DNM3: variants seen among roughly 807,000 people sequenced by gnomAD.
DNM3 encodes dynamin 3.
DNM3 carries 47 observed loss-of-function variants against 101.6 expected under a neutral mutation model. The observed-to-expected ratio is 0.46, with a 90% CI of 0.37 to 0.59. The LOEUF is 0.59. DNM3 is among the 20% of genes least tolerant of loss of function. DNM3 has a pLI of 0.00. For synonymous variants in DNM3, 385 were observed against 387.9 expected, an observed-to-expected ratio of 0.99 and a Z score of 0.09; for missense variants, 849 against 1,085.7, an observed-to-expected ratio of 0.78 and a Z score of 3.06.
rs966543689 is a variant in DNM3, at chr1:171,841,773, C to G, written c.117C>G (p.Gly39=). ...LELPQIAVVG[G]QSAGKSSVLE... ...TGCCGCAGATCGCCGTGGTGGGCGGCCAGAGCGCCGGCAAGAGCTCGGTGC... is the reference window on the plus strand; with the variant it reads ...TGCCGCAGATCGCCGTGGTGGGCGGGCAGAGCGCCGGCAAGAGCTCGGTGC... The change falls in exon 1 of 21, where the codon GGC becomes GGG. Residue 39 remains glycine, a synonymous_variant. Coordinates refer to ENST00000627582, the MANE Select transcript of DNM3 (RefSeq NM_015569.5). 6.2e-7 allele frequency: 1 copy of G among 1,610,310 alleles called. No homozygotes were observed. The highest frequency in any genetic ancestry group is 1.3e-5 in the African/African-American group (1 of 74,970).
intron 13 of DNM3, among the ~76,000 whole-genome samples, chr1:172,093,379 C>CT (rs1186931393): frequency 6.6e-6 from 1 of 152,176 alleles, no homozygotes; most frequent in African/African-American, 2.4e-5. Context: ...AAGATCTGAT[C>CT]TTTTGAGTTT....
chr1:172,339,426 A>G (rs2066590798), intron 17 of DNM3, among the ~76,000 whole-genome samples: 1 of 152,192 alleles, frequency 6.6e-6, no homozygotes, highest in African/African-American at 2.4e-5. Flanking sequence ...CCCTGGCCTC[A>G]TTATCAGCAT....
chr1:172,306,582 A>T (rs2064827897), intron 15 of DNM3, among the ~76,000 whole-genome samples: 1 of 152,244 alleles, frequency 6.6e-6, no homozygotes, highest in Non-Finnish European at 1.5e-5. Flanking sequence ...GACAATCCTA[A>T]GCAAAAAGAA....
At chr1:171,930,507 T>C (rs2040919808) in intron 2 of DNM3, among the ~76,000 whole-genome samples, 1 of 152,174 alleles carries the variant, frequency 6.6e-6, no homozygotes, top group Admixed American at 6.5e-5. Context: ...TCTGCTGAGA[T>C]TCCACAAAGC....
intron 4 of DNM3, among the ~76,000 whole-genome samples, chr1:172,000,663 T>C (rs1196243324): frequency 1.3e-5 from 2 of 152,080 alleles, no homozygotes; most frequent in Non-Finnish European, 1.5e-5. Flanking sequence ...AACTAGACTT[T>C]TATGTTTCAC....
At chr1:172,326,642 C>G (rs1490524639) in intron 17 of DNM3, among the ~76,000 whole-genome samples, 1 of 151,630 alleles carries the variant, frequency 6.6e-6, no homozygotes, top group Non-Finnish European at 1.5e-5. Flanking sequence ...ATTTCATAGA[C>G]TTTTAATTTA....
At chr1:172,405,179 T>C (rs1305314318) in intron 20 of DNM3, among the ~76,000 whole-genome samples, 5 of 152,106 alleles carry the variant, frequency 3.3e-5, no homozygotes. Flanking sequence ...CACTTTTCAG[T>C]CATTTCTTCA....
chr1:172,177,664 T>C (rs1358340746), intron 14 of DNM3, among the ~76,000 whole-genome samples: 2 of 151,706 alleles, frequency 1.3e-5, no homozygotes, highest in African/African-American at 2.4e-5. Flanking sequence ...GATGAGACAA[T>C]AGGAGTAAGG....
chr1:171,904,097 C>T (rs1207629892), intron 1 of DNM3, among the ~76,000 whole-genome samples: 1 of 150,892 alleles, frequency 6.6e-6, no homozygotes, highest in Non-Finnish European at 1.5e-5. Flanking sequence ...CTCTTGAGCC[C>T]AGGAGTTTAA....
intron 2 of DNM3, among the ~76,000 whole-genome samples, chr1:171,986,252 C>G (rs751163329): frequency 2.5e-4 from 38 of 152,104 alleles, no homozygotes; most frequent in Admixed American, 3.3e-4. Context: ...TCTTTTCTAT[C>G]TCTACCTTTC....
chr1:172,285,581 G>C (rs2063666485), intron 15 of DNM3, among the ~76,000 whole-genome samples: 1 of 152,128 alleles, frequency 6.6e-6, no homozygotes, highest in Admixed American at 6.6e-5. Flanking sequence ...CAGAGCAGTA[G>C]TATGAAGACC....
chr1:172,233,136 A>G (rs181406717), intron 14 of DNM3, among the ~76,000 whole-genome samples: 5 of 152,258 alleles, frequency 3.3e-5, no homozygotes, highest in African/African-American at 9.6e-5. Flanking sequence ...TTGATAGACC[A>G]CTAGCAAGAC....
chr1:172,177,838 G>T (rs1235742850), intron 14 of DNM3, among the ~76,000 whole-genome samples: 1 of 151,826 alleles, frequency 6.6e-6, no homozygotes, highest in African/African-American at 2.4e-5. Flanking sequence ...TAAAGGTCAT[G>T]CACATCCTCA....
chr1:172,368,615 A>G (rs1464240331), intron 17 of DNM3, among the ~76,000 whole-genome samples: 1 of 151,888 alleles, frequency 6.6e-6, no homozygotes, highest in Non-Finnish European at 1.5e-5. Flanking sequence ...GAAAGAAATA[A>G]TAAAGATCAG....
At chr1:172,008,832 A>AAT (rs533456227) in intron 4 of DNM3, among the ~76,000 whole-genome samples, 1 of 138,780 alleles carries the variant, frequency 7.2e-6, no homozygotes, top group Non-Finnish European at 1.5e-5. Context: ...TGTATTATAT[A>AAT]ATATATATTA....
intron 16 of DNM3, among the ~76,000 whole-genome samples, chr1:172,312,878 C>A (rs1392466578): frequency 6.6e-6 from 1 of 152,124 alleles, no homozygotes; most frequent in African/African-American, 2.4e-5. Flanking sequence ...TTTCTAATTA[C>A]TTTTATTCTC....
At chr1:172,379,859 T>C (rs1304473218) in intron 18 of DNM3, among the ~76,000 whole-genome samples, 1 of 152,112 alleles carries the variant, frequency 6.6e-6, no homozygotes, top group East Asian at 1.9e-4. Context: ...TAGTTAACTT[T>C]TTACAGTACA....
chr1:171,982,902 T>A (rs1473364534), intron 2 of DNM3, among the ~76,000 whole-genome samples: 1 of 152,142 alleles, frequency 6.6e-6, no homozygotes, highest in African/African-American at 2.4e-5. Context: ...ATTCATCTCA[T>A]CCATGCTCAT....
At chr1:172,310,596 G>A (rs539288127) in intron 16 of DNM3, 3 of 152,358 alleles carry the variant, frequency 2.0e-5, no homozygotes, top group South Asian at 2.1e-4. Flanking sequence ...TCAAAGAAGG[G>A]AGGGAGTAAA....
Sources: allele counts gnomAD v4.1 joint callset (sites outside exome capture counted in the v4.1 genomes callset), GRCh38; gene constraint gnomAD v4.1.1; transcripts MANE v1.5; gene names NCBI Gene and HGNC (gene_info 2026-07-23, HGNC 2026-07-21).